The following TMTC4 variants were observed in gnomAD, a reference collection of about 807,000 sequenced individuals.
The protein encoded by TMTC4 is transmembrane O-mannosyltransferase targeting cadherins 4, also known as protein O-mannosyl-transferase TMTC4.
Under a neutral mutation model 86.0 loss-of-function variants are expected in TMTC4, and 65 were observed. The observed-to-expected ratio is 0.76, with a 90% CI of 0.62 to 0.93. The LOEUF (loss-of-function observed/expected upper bound fraction) is 0.93, where lower values mean the gene tolerates loss of function less well. TMTC4 is among the 40% of genes least tolerant of loss of function. TMTC4 has a pLI of 0.00. For missense variants in TMTC4, 866 were observed against 948.1 expected (o/e 0.91, Z 1.14); for synonymous variants, 379 against 382.5 (o/e 0.99, Z 0.11).
intron 10 of TMTC4, among the ~76,000 whole-genome samples, chr13:100,636,288 T>C (rs904074685): frequency 1.2e-4 from 19 of 152,240 alleles, no homozygotes; most frequent in African/African-American, 2.9e-4. Context: ...TGCTACTTCC[T>C]AGGGAAAGGG....
At chr13:100,652,853 G>T (rs1884626180) in intron 6 of TMTC4, among the ~76,000 whole-genome samples, 1 of 152,216 alleles carries the variant, frequency 6.6e-6, no homozygotes, top group African/African-American at 2.4e-5. Context: ...AGCCCCTCAG[G>T]GGCATGAACT....
intron 15 of TMTC4, among the ~76,000 whole-genome samples, chr13:100,618,948 T>C (rs1388243821): frequency 6.6e-6 from 1 of 152,222 alleles, no homozygotes. Flanking sequence ...CTTTCCCCCC[T>C]TTCTATTCCA....
Position 100,670,445 on chromosome 13 carries a change from C to T in TMTC4, c.-83G>A. 1 of 1,472,916 alleles carries T rather than the reference C, an allele frequency of 6.8e-7. No individual in the cohort carries two copies. The highest frequency in any genetic ancestry group is 9.3e-7 in the Non-Finnish European group (1 of 1,080,836). The allele number at this position is 1,472,916 out of a possible 1,614,324, so 91.2% of individuals were successfully genotyped here. A position where few individuals can be genotyped will look rare whatever the true frequency, so the allele number is the denominator to read the frequency against. On this transcript the variant is annotated 5_prime_UTR_variant, in exon 2 of 19. Coordinates refer to ENST00000342624, the MANE Select transcript of TMTC4 (RefSeq NM_032813.5). ...GAGATGAAACAGGCCGCAACTCTTC[C>T]ACTGCTTGTCTCTCGAGCCTCACAG...
In TMTC4 at chr13:100,674,547, G is replaced by T. The variant is rs1382423524; in HGVS notation, c.-208+197C>A. 9.2e-6 allele frequency: 9 copies of T among 982,156 alleles called. No homozygotes were observed. In the East Asian group the frequency reaches 5.8e-4, roughly 63 times the overall value. The allele number at this position is 982,156 out of a possible 1,614,324, so 60.8% of individuals were successfully genotyped here. Reference sequence around the variant, plus strand: ...TTTGTCCCATGTGCGGCTCACACAGGGGCCCGCGTCCCCCGTGACCCCGGC... The same window carrying T: ...TTTGTCCCATGTGCGGCTCACACAGTGGCCCGCGTCCCCCGTGACCCCGGC... On this transcript the variant is annotated intron_variant, in intron 1 of 18. Coordinates refer to ENST00000342624, the MANE Select transcript of TMTC4 (RefSeq NM_032813.5).
In TMTC4 at chr13:100,604,838, T is replaced by C; in HGVS notation, c.*156A>G. On this transcript the variant is annotated 3_prime_UTR_variant, in exon 19 of 19. Transcript: ENST00000342624. ...TATCACGCATTCAAGAGTATATTGC[T>C]GGTGCTATAATCTTTTTGCATGTCT... 1.4e-6 allele frequency: 1 copy of C among 697,122 alleles called. No homozygotes were observed. Among genetic ancestry groups the C allele is most frequent in the Non-Finnish European group, 2.1e-6 (1 of 467,078 alleles). The allele number at this position is 697,122 out of a possible 1,614,324, so 43.2% of individuals were successfully genotyped here. A position where few individuals can be genotyped will look rare whatever the true frequency, so the allele number is the denominator to read the frequency against.
intron 15 of TMTC4, among the ~76,000 whole-genome samples, chr13:100,620,642 T>C (rs1016009453): frequency 6.6e-6 from 1 of 152,188 alleles, no homozygotes; most frequent in Admixed American, 6.5e-5. Flanking sequence ...CCATCATGCA[T>C]TGTCTTCCGC....
intron 6 of TMTC4, among the ~76,000 whole-genome samples, chr13:100,647,592 G>A (rs1410127986): frequency 2.6e-5 from 4 of 152,244 alleles, no homozygotes; most frequent in South Asian, 2.1e-4. Context: ...CTAGAAAAAC[G>A]GAATTATCTT....
chr13:100,671,851 G>A (rs1887142935), intron 1 of TMTC4, among the ~76,000 whole-genome samples: 1 of 148,614 alleles, frequency 6.7e-6, no homozygotes, highest in Non-Finnish European at 1.5e-5. Context: ...GGAACAGTTT[G>A]GAAAATGCCT....
intron 3 of TMTC4, chr13:100,665,852 C>T (rs924897914): frequency 1.2e-5 from 4 of 328,294 alleles, no homozygotes; most frequent in Admixed American, 8.0e-5. Flanking sequence ...CCATGGGCAT[C>T]GGCTTCAGAA....
rs570193140 is a variant in TMTC4, at chr13:100,651,372, T to C, written c.640+5009A>G. ...GAAGTAATACCCAGTGTGCCATTGA[T>C]TTCATCTCACTAGTGTTTTTTGTTT... On this transcript the variant is annotated intron_variant, in intron 6 of 18. Coordinates refer to ENST00000342624, the MANE Select transcript of TMTC4 (RefSeq NM_032813.5). Among the ~76,000 whole-genome samples the C allele has an allele frequency of 2.2e-4, 34 of 152,162 alleles. No individual in the cohort carries two copies. The South Asian group carries it at 3.7e-3, about 17-fold the overall frequency.
chr13:100,662,854 T>G, intron 5 of TMTC4, 110 bp downstream of exon 5: 2 of 1,155,892 alleles, frequency 1.7e-6, no homozygotes, highest in Non-Finnish European at 2.5e-6. Flanking sequence ...TCTCCAGCTC[T>G]GGAACCAAGA....
chr13:100,619,166 G>T (rs950887833), intron 15 of TMTC4, among the ~76,000 whole-genome samples: 5 of 148,364 alleles, frequency 3.4e-5, no homozygotes, highest in African/African-American at 1.2e-4. Flanking sequence ...GCCGGGCGGG[G>T]GGCTGACCCC....
intron 7 of TMTC4, among the ~76,000 whole-genome samples, chr13:100,641,354 T>C (rs1165745501): frequency 1.3e-5 from 2 of 152,150 alleles, no homozygotes; most frequent in East Asian, 3.8e-4. Flanking sequence ...AAGTTGCACT[T>C]GGGTGGTGAT....
intron 15 of TMTC4, among the ~76,000 whole-genome samples, chr13:100,621,931 G>A (rs1427032016): frequency 6.6e-6 from 1 of 152,004 alleles, no homozygotes; most frequent in Non-Finnish European, 1.5e-5. Context: ...CCCCTGCTTT[G>A]TATGTGATTG....
chr13:100,616,296 C>T (rs977316301), intron 15 of TMTC4, among the ~76,000 whole-genome samples: 21 of 152,068 alleles, frequency 1.4e-4, no homozygotes, highest in African/African-American at 5.1e-4. Flanking sequence ...CTCCACCTCC[C>T]AGGTTCAAGC....
rs1882261885 is a variant in TMTC4, at chr13:100,636,684, A to T, written c.1050T>A (p.Cys350Ter). Residue 350 changes from cysteine (C) to a stop codon, truncating the protein, a stop_gained, in exon 10 of 19, where the codon TGT becomes TGA. Transcript: ENST00000342624. LOFTEE classifies it high-confidence loss of function. ...ACCAATCAAAACACAGCCACCAGGGACACAGCAGCAGCCAGGCATTCAATG... is the reference window on the plus strand; with the variant it reads ...ACCAATCAAAACACAGCCACCAGGGTCACAGCAGCAGCCAGGCATTCAATG... ...YYSLNAWLLLCPWWLCFDWSM... is the reference protein window; with the variant it reads ...YYSLNAWLLL 5 of 1,614,250 alleles carry T rather than the reference A, an allele frequency of 3.1e-6. No homozygotes were observed. Among genetic ancestry groups the T allele is most frequent in the Non-Finnish European group, 4.2e-6 (5 of 1,180,046 alleles).
In TMTC4 at chr13:100,634,938, T is replaced by C. The variant is rs1433909385; in HGVS notation, c.1375-2A>G. ...CAGCACGACAGCGGCAATGAGTTTC[T>C]TAAGAACAGAAAGACATGGTAATTG... is the stretch of plus-strand genomic sequence containing the variant. On this transcript the variant is annotated splice_acceptor_variant, in intron 11 of 18. Transcript: ENST00000342624. LOFTEE classifies it high-confidence loss of function. 6.2e-7 allele frequency: 1 copy of C among 1,613,802 alleles called. No individual in the cohort carries two copies. Among genetic ancestry groups the C allele is most frequent in the East Asian group, 2.2e-5 (1 of 44,880 alleles).
intron 6 of TMTC4, among the ~76,000 whole-genome samples, chr13:100,646,699 T>C (rs574581038): frequency 6.6e-6 from 1 of 152,306 alleles, no homozygotes; most frequent in East Asian, 1.9e-4. Context: ...CTGAATACCA[T>C]TACACAACAG....
chr13:100,645,218 C>G (rs1883569078), intron 6 of TMTC4, among the ~76,000 whole-genome samples: 1 of 152,192 alleles, frequency 6.6e-6, no homozygotes, highest in South Asian at 2.1e-4. Flanking sequence ...CACCGCGAAC[C>G]CTCTCCAGCC....
Sources: gnomAD v4.1 joint callset for allele counts (sites outside exome capture counted in the v4.1 genomes callset) on GRCh38, gnomAD v4.1.1 for gene constraint, MANE v1.5 for transcripts, NCBI Gene and HGNC (gene_info 2026-07-23, HGNC 2026-07-21) for gene names.